Variants in TMTC2 observed in about 807,000 individuals in gnomAD.
TMTC2 encodes the protein transmembrane O-mannosyltransferase targeting cadherins 2, also known as protein O-mannosyl-transferase TMTC2.
Under a neutral mutation model 82.4 loss-of-function variants are expected in TMTC2, and 43 were observed. The observed-to-expected ratio is 0.52, with a 90% CI of 0.41 to 0.67. The LOEUF (loss-of-function observed/expected upper bound fraction) is 0.67. Among genes scored for constraint, TMTC2 ranks in the 30% least tolerant of loss-of-function variants. The pLI, the probability that TMTC2 is intolerant of heterozygous loss-of-function variation, is 0.00. For missense variants in TMTC2, 919 were observed against 1,012.4 expected (o/e 0.91, Z 1.25); for synonymous variants, 408 against 381.9 (o/e 1.07, Z -0.80).
chr12:83,058,356 A>G (rs1882620058), intron 10 of TMTC2, among the ~76,000 whole-genome samples: 2 of 151,826 alleles, frequency 1.3e-5, no homozygotes, highest in Admixed American at 1.3e-4. Flanking sequence ...AATATAATCA[A>G]CTCACTCCAG....
intron 8 of TMTC2, among the ~76,000 whole-genome samples, chr12:83,012,465 G>GGGAT (rs1326025231): frequency 6.6e-6 from 1 of 152,038 alleles, no homozygotes; most frequent in Non-Finnish European, 1.5e-5. Flanking sequence ...GCATTAAGAA[G>GGGAT]GGATTGAAGG....
intron 3 of TMTC2, among the ~76,000 whole-genome samples, chr12:82,897,660 AGATTACAGGC>A (rs1444717470): frequency 2.6e-5 from 4 of 151,918 alleles, no homozygotes; most frequent in African/African-American, 9.7e-5. Context: ...AGAGGCACTG[AGATTACAGGC>A]GCCCACCACC....
At chr12:83,106,000 C>T (rs575323929) in intron 11 of TMTC2, among the ~76,000 whole-genome samples, 1 of 152,154 alleles carries the variant, frequency 6.6e-6, no homozygotes, top group South Asian at 2.1e-4. Context: ...TTAAGAAATA[C>T]ATAATAGAAT....
At chr12:83,051,924 G>T (rs751861953) in intron 10 of TMTC2, among the ~76,000 whole-genome samples, 54 of 152,008 alleles carry the variant, frequency 3.6e-4, no homozygotes, top group Non-Finnish European at 3.4e-4. Context: ...AAAGGAGGAT[G>T]TTTTTAACTG....
intron 1 of TMTC2, among the ~76,000 whole-genome samples, chr12:82,807,870 T>C (rs1879314126): frequency 6.6e-6 from 1 of 152,000 alleles, no homozygotes; most frequent in African/African-American, 2.4e-5. Flanking sequence ...GGTAGAACTT[T>C]AAAAAAATTA....
chr12:83,100,240 G>A (rs1035078231), intron 11 of TMTC2, among the ~76,000 whole-genome samples: 1 of 151,982 alleles, frequency 6.6e-6, no homozygotes, highest in Non-Finnish European at 1.5e-5. Flanking sequence ...TTTTCAACCT[G>A]CGAGCACATC....
At chr12:83,039,019 C>G in intron 9 of TMTC2, among the ~76,000 whole-genome samples, 1 of 149,108 alleles carries the variant, frequency 6.7e-6, no homozygotes, top group Admixed American at 6.7e-5. Context: ...GCAACCTCTG[C>G]CCCCCGGGTT....
chr12:82,873,023 T>G (rs1436320098), intron 2 of TMTC2, among the ~76,000 whole-genome samples: 1 of 152,194 alleles, frequency 6.6e-6, no homozygotes, highest in Middle Eastern at 3.2e-3. Flanking sequence ...TCATGTCAGT[T>G]CAGGTCAGGC....
At chr12:82,943,991 G>GA in intron 4 of TMTC2, among the ~76,000 whole-genome samples, 1 of 152,196 alleles carries the variant, frequency 6.6e-6, no homozygotes, top group South Asian at 2.1e-4. Context: ...AAAGAGAAAT[G>GA]AAAAAGAAAA....
At chr12:82,955,452 G>T (rs992441963) in intron 4 of TMTC2, among the ~76,000 whole-genome samples, 3 of 152,036 alleles carry the variant, frequency 2.0e-5, no homozygotes, top group African/African-American at 7.2e-5. Flanking sequence ...CCAGATTATT[G>T]TGATTTCATA....
chr12:82,867,747 TC>T (rs1871942073), intron 2 of TMTC2, among the ~76,000 whole-genome samples: 1 of 152,186 alleles, frequency 6.6e-6, no homozygotes, highest in African/African-American at 2.4e-5. Flanking sequence ...ACCTTATTTC[TC>T]CTAATTTCAA....
At chr12:83,075,343 G>T (rs567762702) in intron 11 of TMTC2, among the ~76,000 whole-genome samples, 1 of 152,094 alleles carries the variant, frequency 6.6e-6, no homozygotes, top group South Asian at 2.1e-4. Flanking sequence ...TCAAACCTCC[G>T]CAAGCTGCTC....
intron 11 of TMTC2, among the ~76,000 whole-genome samples, chr12:83,095,306 T>C (rs1391854458): frequency 1.3e-5 from 2 of 151,300 alleles, no homozygotes; most frequent in African/African-American, 4.9e-5. Context: ...AGTGGCGTGA[T>C]CTCGGCTCAC....
chr12:83,104,755 CT>C (rs1293676589), intron 11 of TMTC2, among the ~76,000 whole-genome samples: 2 of 152,210 alleles, frequency 1.3e-5, no homozygotes, highest in Non-Finnish European at 1.5e-5. Flanking sequence ...CATTTTGGTT[CT>C]GCAAATACCT....
chr12:83,117,186 T>C (rs1045621068), intron 11 of TMTC2, among the ~76,000 whole-genome samples: 4 of 152,068 alleles, frequency 2.6e-5, no homozygotes, highest in Non-Finnish European at 5.9e-5. Context: ...AACAGGGTGT[T>C]CTTTCCCCAC....
At chr12:82,787,989 C>A (rs1341590018) in intron 1 of TMTC2, among the ~76,000 whole-genome samples, 2 of 151,998 alleles carry the variant, frequency 1.3e-5, no homozygotes, top group African/African-American at 4.8e-5. Flanking sequence ...TCTTTCCTTA[C>A]TTCATCTTGA....
At chr12:83,131,879 A>T (rs1191318011) in intron 11 of TMTC2, among the ~76,000 whole-genome samples, 1 of 152,132 alleles carries the variant, frequency 6.6e-6, no homozygotes, top group Non-Finnish European at 1.5e-5. Context: ...TTCCATCTGA[A>T]ATTGTATCAC....
chr12:83,081,574 C>T (rs1883469576), intron 11 of TMTC2, among the ~76,000 whole-genome samples: 1 of 152,024 alleles, frequency 6.6e-6, no homozygotes, highest in South Asian at 2.1e-4. Context: ...TTTGATAAAT[C>T]TAGAGAGATG....
Position 82,895,957 on chromosome 12 carries a change from GCCT to G in TMTC2, c.799_801del (p.Leu267del), listed in dbSNP as rs1565797617. 1 of 1,613,866 alleles carries G rather than the reference GCCT, an allele frequency of 6.2e-7. No homozygotes were observed. Among genetic ancestry groups the G allele is most frequent in the South Asian group, 1.1e-5 (1 of 91,052 alleles). ...GACAACCCCGCTGCTGATTCGGACA[GCCT>G]CCTCACCCGCACTCTCACCTTCTTC... On this transcript the variant is annotated inframe_deletion, in exon 3 of 12. Transcript: ENST00000321196.
Sources: gnomAD v4.1 joint callset for allele counts (sites outside exome capture counted in the v4.1 genomes callset) on GRCh38, gnomAD v4.1.1 for gene constraint, MANE v1.5 for transcripts, NCBI Gene and HGNC (gene_info 2026-07-23, HGNC 2026-07-21) for gene names.